Variants in ZNF468 observed in about 807,000 individuals in gnomAD.
ZNF468 encodes zinc finger protein 468.
Under a neutral mutation model 7.2 loss-of-function variants are expected in ZNF468, and 8 were observed. That is an observed-to-expected ratio of 1.11 (90% CI 0.65 to 2.01). ZNF468 has a LOEUF of 2.01. ZNF468 is among the 30% of genes most tolerant of loss of function. ZNF468 has a pLI of 0.00. For missense variants in ZNF468, 608 were observed against 626.5 expected (o/e 0.97, Z 0.31); for synonymous variants, 218 against 214.4 (o/e 1.02, Z -0.15).
chr19:52,850,861 T>G (rs563829648), intron 2 of ZNF468, among the ~76,000 whole-genome samples: 1 of 151,694 alleles, frequency 6.6e-6, no homozygotes, highest in East Asian at 1.9e-4. Flanking sequence ...ATCGCGCCAC[T>G]GCACTCCAGC....
At chr19:52,850,383 A>G (rs7257628) in intron 2 of ZNF468, among the ~76,000 whole-genome samples, 65,741 of 151,920 alleles carry the variant, frequency 0.43, 15,735 homozygotes, top group African/African-American at 0.63. Flanking sequence ...CACTCTTTAT[A>G]CAGGGAAAAA....
intron 2 of ZNF468, among the ~76,000 whole-genome samples, chr19:52,853,620 G>C (rs1206111695): frequency 6.6e-6 from 1 of 152,008 alleles, no homozygotes; most frequent in African/African-American, 2.4e-5. Flanking sequence ...GAACCCAGGA[G>C]GCGGAGGTTG....
chr19:52,841,515 C>T lies in ZNF468; in HGVS notation c.779G>A (p.Cys260Tyr), dbSNP rs767243942. 1.9e-6 allele frequency: 3 copies of T among 1,614,010 alleles called. No homozygotes were observed. Among genetic ancestry groups the T allele is most frequent in the Non-Finnish European group, 2.5e-6 (3 of 1,180,036 alleles). The change falls in exon 4 of 4, where the codon TGC (cysteine) becomes TAC (tyrosine). Residue 260 changes from cysteine to tyrosine, a missense_variant. By Grantham distance (194) the Cys-to-Tyr change is radical (BLOSUM62 -2). Transcript: ENST00000595646. ...KVFNQKRYLACHRRCHTGEKP... is the reference protein window; with the variant it reads ...KVFNQKRYLAYHRRCHTGEKP... ...CTCACCAGTGTGACATCTACGATGG[C>T]AGGCAAGGTATCGCTTCTGATTAAA... is the stretch of plus-strand genomic sequence containing the variant.
intron 2 of ZNF468, among the ~76,000 whole-genome samples, chr19:52,850,487 T>C (rs182504858): frequency 6.6e-6 from 1 of 152,216 alleles, no homozygotes; most frequent in East Asian, 1.9e-4. Flanking sequence ...AACATGTAAA[T>C]TCACAATTAG....
chr19:52,848,264 A>G (rs1177299736), intron 3 of ZNF468, among the ~76,000 whole-genome samples: 2 of 152,136 alleles, frequency 1.3e-5, no homozygotes, highest in East Asian at 1.9e-4. Flanking sequence ...CTTTGCTCCA[A>G]TATGGAGATA....
chr19:52,849,193 G>A lies in ZNF468; in HGVS notation c.36C>T (p.Asp12=), dbSNP rs534957369. ...ALPQGLLTFR[D]VAIEFSQEEW... is the part of the protein sequence containing the mutation. The stretch of plus-strand genomic sequence containing the variant: ...CCTCCTGAGAGAATTCTATGGCCAC[G>A]TCCCTGAATGTCAATAGACCCTGAA... Residue 12 remains aspartate (D), a synonymous_variant, in exon 3 of 4, where the codon GAC becomes GAT. Coordinates refer to ENST00000595646, the MANE Select transcript of ZNF468 (RefSeq NM_001008801.2). 184 of 1,613,814 alleles carry A rather than the reference G, an allele frequency of 1.1e-4. No individual in the cohort carries two copies. The highest frequency in any genetic ancestry group is 8.3e-4 in the Middle Eastern group (5 of 6,060).
intron 1 of ZNF468, among the ~76,000 whole-genome samples, chr19:52,856,105 T>TA (rs1387209209): frequency 3.3e-5 from 5 of 152,246 alleles, no homozygotes; most frequent in Admixed American, 2.6e-4. Context: ...AATTCTTCCT[T>TA]ACAAGAAAAT....
At position 52,840,972 on chromosome 19, in the gene ZNF468, C is replaced by T; in HGVS notation, c.1322G>A (p.Cys441Tyr). ...CTGGAAAGCCTTGTCACAAACCTTA[C>T]ATTTGTATGGTTTCTCTCCAGTATG... Reference protein sequence around the residue: ...RIHTGEKPYKCKVCDKAFQRD... With the variant: ...RIHTGEKPYKYKVCDKAFQRD... Residue 441 changes from cysteine to tyrosine, a missense_variant, in exon 4 of 4, where the codon TGT becomes TAT. By Grantham distance (194) the Cys-to-Tyr change is radical (BLOSUM62 -2). Transcript: ENST00000595646. The T allele has an allele frequency of 6.2e-7, 1 of 1,613,968 alleles. No homozygotes were observed. The highest frequency in any genetic ancestry group is 8.5e-7 in the Non-Finnish European group (1 of 1,179,954).
Position 52,839,999 on chromosome 19 carries a change from A to C in ZNF468, c.*726T>G, listed in dbSNP as rs1410506177. The C allele has an allele frequency of 2.3e-6, 3 of 1,314,952 alleles. No individual in the cohort carries two copies. In the Admixed American group the frequency reaches 6.9e-5, roughly 30 times the overall value. The allele number at this position is 1,314,952 out of a possible 1,614,324, so 81.5% of individuals were successfully genotyped here. A position where few individuals can be genotyped will look rare whatever the true frequency, so the allele number is the denominator to read the frequency against. The stretch of plus-strand genomic sequence containing the variant: ...ATTGCTTGATGGTGAATAAGTGGTG[A>C]CTGCCCACTAAAGGGTTTGCCACAC... On this transcript the variant is annotated 3_prime_UTR_variant, in exon 4 of 4. Transcript: ENST00000595646.
chr19:52,856,347 C>A (rs549983750), intron 1 of ZNF468, among the ~76,000 whole-genome samples: 4 of 152,156 alleles, frequency 2.6e-5, no homozygotes, highest in African/African-American at 9.6e-5. Context: ...ATGGTGAAAC[C>A]CTATCTCTAC....
intron 3 of ZNF468, among the ~76,000 whole-genome samples, chr19:52,848,845 C>A (rs1269017600): frequency 6.6e-6 from 1 of 152,108 alleles, no homozygotes; most frequent in Admixed American, 6.6e-5. Context: ...GCCACCACGA[C>A]CAGGCTGCCA....
rs1415252438 is a variant in ZNF468 at position 52,840,705 on chromosome 19, T to C, written c.*20A>G. 6.2e-7 allele frequency: 1 copy of C among 1,613,364 alleles called. No homozygotes were observed. Among genetic ancestry groups the C allele is most frequent in the Non-Finnish European group, 8.5e-7 (1 of 1,179,476 alleles). Reference sequence around the variant, plus strand: ...CAGGGTTGAATTGTGATGGAAGGTCTTGCCACACTCATTACACTATTAAGG... The same window carrying C: ...CAGGGTTGAATTGTGATGGAAGGTCCTGCCACACTCATTACACTATTAAGG... On this transcript the variant is annotated 3_prime_UTR_variant, in exon 4 of 4. Transcript: ENST00000595646.
intron 2 of ZNF468, among the ~76,000 whole-genome samples, chr19:52,852,795 C>A (rs1047053073): frequency 6.6e-6 from 1 of 152,000 alleles, no homozygotes; most frequent in Non-Finnish European, 1.5e-5. Context: ...CTGTAACAAG[C>A]CTTCACACAT....
intron 3 of ZNF468, among the ~76,000 whole-genome samples, chr19:52,842,854 T>A (rs1337791829): frequency 4.8e-5 from 6 of 123,934 alleles, no homozygotes; most frequent in African/African-American, 1.9e-4. Flanking sequence ...CATGGCATGG[T>A]GGCTTGTGAC....
intron 2 of ZNF468, among the ~76,000 whole-genome samples, chr19:52,851,151 C>G (rs556159679): frequency 6.6e-6 from 1 of 151,928 alleles, no homozygotes; most frequent in Non-Finnish European, 1.5e-5. Context: ...TGGCACGTGA[C>G]TATAATCCCA....
chr19:52,844,114 T>A (rs2063325798), intron 3 of ZNF468, among the ~76,000 whole-genome samples: 1 of 152,172 alleles, frequency 6.6e-6, no homozygotes, highest in Non-Finnish European at 1.5e-5. Flanking sequence ...GATGAGACTT[T>A]GTCTCAAAGA....
chr19:52,844,634 G>A (rs2063329107), intron 3 of ZNF468, among the ~76,000 whole-genome samples: 1 of 152,044 alleles, frequency 6.6e-6, no homozygotes, highest in Non-Finnish European at 1.5e-5. Context: ...CACCTCCAGG[G>A]TTCTAGTGAT....
In ZNF468 at chr19:52,839,674, TA is replaced by T. The variant is rs1280391001; in HGVS notation, c.*1050del. 1 of 546,096 alleles carries T rather than the reference TA, an allele frequency of 1.8e-6. No homozygotes were observed. Among genetic ancestry groups the T allele is most frequent in the African/African-American group, 1.9e-5 (1 of 52,336 alleles). The allele number at this position is 546,096 out of a possible 1,614,324, so 33.8% of individuals were successfully genotyped here. A position where few individuals can be genotyped will look rare whatever the true frequency, so the allele number is the denominator to read the frequency against. On this transcript the variant is annotated 3_prime_UTR_variant, in exon 4 of 4. Coordinates refer to ENST00000595646, the MANE Select transcript of ZNF468 (RefSeq NM_001008801.2). ...TGTCTAATGAGGTGTGAATGTGAAGTAAACGCTTTGCCACAATCATCACACT... is the reference window on the plus strand; with the variant it reads ...TGTCTAATGAGGTGTGAATGTGAAGTAACGCTTTGCCACAATCATCACACT...
chr19:52,841,089 C>T lies in ZNF468; in HGVS notation c.1205G>A (p.Arg402Lys), dbSNP rs2063293369. The stretch of plus-strand genomic sequence containing the variant: ...AGGTTTCTCTCCACTATGAATCCTC[C>T]TATGTCTTTCAAGGTGTGATTTGCG... Reference protein sequence around the residue: ...FSRKSHLERHRRIHSGEKPYK... With the variant: ...FSRKSHLERHKRIHSGEKPYK... The change falls in exon 4 of 4, where the codon AGG becomes AAG. Residue 402 changes from arginine to lysine, a missense_variant. Coordinates refer to ENST00000595646, the MANE Select transcript of ZNF468 (RefSeq NM_001008801.2). The T allele has an allele frequency of 1.2e-6, 2 of 1,612,532 alleles. No individual in the cohort carries two copies. The highest frequency in any genetic ancestry group is 8.5e-7 in the Non-Finnish European group (1 of 1,179,240).
Sources: gnomAD v4.1 joint callset for allele counts (sites outside exome capture counted in the v4.1 genomes callset) on GRCh38, gnomAD v4.1.1 for gene constraint, MANE v1.5 for transcripts, NCBI Gene and HGNC (gene_info 2026-07-23, HGNC 2026-07-21) for gene names.